MALRD1: variants seen among roughly 807,000 people sequenced by gnomAD.
The protein encoded by MALRD1 is MAM and LDL-receptor class A domain-containing protein 1.
In MALRD1, 247 loss-of-function variants were observed where a neutral mutation model predicts 242.1. The observed-to-expected ratio is 1.02, with a 90% CI of 0.92 to 1.13. The LOEUF (loss-of-function observed/expected upper bound fraction) is 1.13, where lower values mean the gene tolerates loss of function less well. Among genes scored for constraint, MALRD1 ranks in the 50% most tolerant of loss-of-function variants. The pLI, the probability that MALRD1 is intolerant of heterozygous loss-of-function variation, is 0.00. For synonymous variants in MALRD1, 995 were observed against 866.6 expected (o/e 1.15, Z -2.60); for missense variants, 2,989 against 2,533.1 (o/e 1.18, Z -3.86).
intron 38 of MALRD1, among the ~76,000 whole-genome samples, chr10:19,707,694 A>C (rs1833929036): frequency 6.9e-6 from 1 of 144,256 alleles, no homozygotes; most frequent in African/African-American, 2.5e-5. Context: ...CATGCCTGTA[A>C]TCCCAGTGCT....
chr10:19,203,854 G>A lies in MALRD1; in HGVS notation c.2078G>A (p.Arg693Gln), dbSNP rs550917010. 2.8e-5 allele frequency: 44 copies of A among 1,550,430 alleles called. No homozygotes were observed. The Admixed American group carries it at 5.3e-4, about 19-fold the overall frequency. ...SADFEHQAPP[R>Q]DHSLNASQGH... The stretch of plus-strand genomic sequence containing the variant: ...GATTTTGAGCACCAGGCTCCACCTC[G>A]GGATCATAGTCTCAACGCATCTCAA... The change falls in exon 15 of 40, where the codon CGG becomes CAG. Residue 693 changes from arginine (R) to glutamine (Q), a missense_variant. Transcript: ENST00000454679.
chr10:19,215,466 A>C, intron 18 of MALRD1, among the ~76,000 whole-genome samples: 1 of 152,214 alleles, frequency 6.6e-6, no homozygotes, highest in Middle Eastern at 3.2e-3. Context: ...GTCATCTTCC[A>C]CATCATCTCG....
At position 19,666,306 on chromosome 10, in the gene MALRD1, A is replaced by C. The variant is rs143758898; in HGVS notation, c.6138-25976A>C. 3.3e-3 allele frequency among the ~76,000 whole-genome samples: 498 copies of C among 152,228 alleles called. 6 individuals carry two copies. Among genetic ancestry groups the C allele is most frequent in the African/African-American group, 0.011 (466 of 41,536 alleles). ...CCTCTCCTTAATTAGCTTGTCTTCT[A>C]TACTTTCAGATCTTTTCATTCTTTT... is the stretch of plus-strand genomic sequence containing the variant. On this transcript the variant is annotated intron_variant, in intron 36 of 39. Transcript: ENST00000454679.
intron 20 of MALRD1, among the ~76,000 whole-genome samples, chr10:19,282,079 C>G (rs917121323): frequency 2.6e-5 from 4 of 151,626 alleles, no homozygotes; most frequent in Non-Finnish European, 4.4e-5. Context: ...CAGCAGATCC[C>G]TAGAACCTAT....
chr10:19,124,935 CTTTTTTTTTTTTTTTTT>C (rs1173453764), intron 7 of MALRD1, among the ~76,000 whole-genome samples: 2 of 52,590 alleles, frequency 3.8e-5, no homozygotes, highest in South Asian at 2.0e-3. Context: ...TATTAAAAGG[CTTTTTTTTTTTTTTTTT>C]TTTTTTTTTT....
At chr10:19,398,318 A>G (rs1167746624) in intron 28 of MALRD1, among the ~76,000 whole-genome samples, 1 of 152,146 alleles carries the variant, frequency 6.6e-6, no homozygotes, top group Non-Finnish European at 1.5e-5. Context: ...GTTGGTTAGG[A>G]AAGAATGAAT....
intron 31 of MALRD1, among the ~76,000 whole-genome samples, chr10:19,510,732 G>A (rs570439310): frequency 6.6e-6 from 1 of 152,342 alleles, no homozygotes; most frequent in South Asian, 2.1e-4. Context: ...CATAGACACA[G>A]TAACAGTCTG....
chr10:19,653,075 A>C (rs1356797058), intron 36 of MALRD1, among the ~76,000 whole-genome samples: 3 of 152,158 alleles, frequency 2.0e-5, no homozygotes, highest in Non-Finnish European at 4.4e-5. Flanking sequence ...TATTCCTAGC[A>C]GTCTATTGTA....
At chr10:19,236,278 A>G (rs944954391) in intron 18 of MALRD1, among the ~76,000 whole-genome samples, 1 of 152,176 alleles carries the variant, frequency 6.6e-6, no homozygotes, top group Non-Finnish European at 1.5e-5. Flanking sequence ...TAGTTGGTGC[A>G]GGTGTGATAT....
intron 34 of MALRD1, among the ~76,000 whole-genome samples, chr10:19,597,905 G>T (rs913339971): frequency 6.6e-6 from 1 of 152,172 alleles, no homozygotes; most frequent in African/African-American, 2.4e-5. Context: ...GGATTCAAGT[G>T]AAGTGAAGAT....
At chr10:19,269,300 G>T (rs1191661426) in intron 19 of MALRD1, among the ~76,000 whole-genome samples, 1 of 152,212 alleles carries the variant, frequency 6.6e-6, no homozygotes, top group Non-Finnish European at 1.5e-5. Flanking sequence ...CTTATAATGG[G>T]ATTAGTGCTC....
At chr10:19,664,408 G>A (rs560112593) in intron 36 of MALRD1, among the ~76,000 whole-genome samples, 2 of 151,630 alleles carry the variant, frequency 1.3e-5, no homozygotes, top group African/African-American at 4.8e-5. Flanking sequence ...GTAATTCTCG[G>A]GCAGGCTCAG....
At chr10:19,136,352 T>TA (rs1833338792) in intron 9 of MALRD1, among the ~76,000 whole-genome samples, 1 of 151,958 alleles carries the variant, frequency 6.6e-6, no homozygotes, top group African/African-American at 2.4e-5. Flanking sequence ...TTTTTTTTTT[T>TA]TAATACTTTA....
Position 19,673,606 on chromosome 10 carries a change from G to A in MALRD1, c.6138-18676G>A, listed in dbSNP as rs1184626919. 2.0e-5 allele frequency among the ~76,000 whole-genome samples: 3 copies of A among 152,010 alleles called. No individual in the cohort carries two copies. In the East Asian group the frequency reaches 5.8e-4, roughly 29 times the overall value. Reference sequence around the variant, plus strand: ...AGCTTCTATTACTAGGCAAATATTGGCTTATTTTCCAAATGTATAGCATGA... The same window carrying A: ...AGCTTCTATTACTAGGCAAATATTGACTTATTTTCCAAATGTATAGCATGA... On this transcript the variant is annotated intron_variant, in intron 36 of 39. Coordinates refer to ENST00000454679, the MANE Select transcript of MALRD1 (RefSeq NM_001142308.3).
chr10:19,593,590 G>T (rs960167287), intron 33 of MALRD1, among the ~76,000 whole-genome samples: 2 of 152,014 alleles, frequency 1.3e-5, no homozygotes, highest in African/African-American at 4.8e-5. Context: ...TGAGTCCCTC[G>T]TTAACTAGCA....
chr10:19,328,245 G>A (rs1350711209), intron 23 of MALRD1, among the ~76,000 whole-genome samples: 1 of 152,100 alleles, frequency 6.6e-6, no homozygotes, highest in East Asian at 1.9e-4. Context: ...ATAAGCATGT[G>A]CTGAAATGTT....
chr10:19,172,447 A>G (rs1835053591), intron 13 of MALRD1, among the ~76,000 whole-genome samples: 1 of 151,746 alleles, frequency 6.6e-6, no homozygotes, highest in Non-Finnish European at 1.5e-5. Flanking sequence ...TAGATGACCT[A>G]ATATTATTTT....
intron 16 of MALRD1, 25 bp downstream of exon 16, chr10:19,204,438 C>T: frequency 1.4e-6 from 2 of 1,438,284 alleles, no homozygotes. Flanking sequence ...AATATTTAAA[C>T]AATATTAAAC....
At chr10:19,247,818 A>G (rs1258540270) in intron 18 of MALRD1, among the ~76,000 whole-genome samples, 1 of 152,160 alleles carries the variant, frequency 6.6e-6, no homozygotes, top group African/African-American at 2.4e-5. Context: ...AACAGCATTA[A>G]TTTTGTTAAA....
Sources: allele counts gnomAD v4.1 joint callset (sites outside exome capture counted in the v4.1 genomes callset), GRCh38; gene constraint gnomAD v4.1.1; transcripts MANE v1.5; gene names NCBI Gene and HGNC (gene_info 2026-07-23, HGNC 2026-07-21).